The following NCAM2 variants were observed in gnomAD, a reference collection of about 807,000 sequenced individuals.
NCAM2 encodes neural cell adhesion molecule 2, also known as N-CAM-2.
In NCAM2, 30 loss-of-function variants were observed where a neutral mutation model predicts 98.1. The ratio of observed to expected loss-of-function variants is 0.31; its 90% confidence interval spans 0.23 to 0.41. The LOEUF (loss-of-function observed/expected upper bound fraction) is 0.41, where lower values mean the gene tolerates loss of function less well. Ranked by LOEUF, NCAM2 falls within the 10% of genes least tolerant of loss-of-function variation. The pLI, the probability that NCAM2 is intolerant of heterozygous loss-of-function variation, is 1.00. For synonymous variants in NCAM2, 368 were observed against 342.4 expected (o/e 1.07, Z -0.83); for missense variants, 867 against 1,005.8 (o/e 0.86, Z 1.87).
chr21:21,117,616 A>G (rs1176276509), intron 1 of NCAM2, among the ~76,000 whole-genome samples: 1 of 152,204 alleles, frequency 6.6e-6, no homozygotes, highest in African/African-American at 2.4e-5. Flanking sequence ...CCTGGAGAAA[A>G]TCATGCTAAG....
In NCAM2 at chr21:21,538,639, A is replaced by C. The variant is rs1376164334; in HGVS notation, c.*682A>C. On this transcript the variant is annotated 3_prime_UTR_variant, in exon 18 of 18. Transcript: ENST00000400546. ...TTGTATATAAAATTAGATTAGAAAG[A>C]CTTTCTAAATCTCTATCTCTTTATA... 6.6e-6 allele frequency: 1 copy of C among 152,146 alleles called. No individual in the cohort carries two copies. The highest frequency in any genetic ancestry group is 1.5e-5 in the Non-Finnish European group (1 of 67,986). 9.4% of individuals were successfully genotyped at this position (152,146 alleles called of 1,614,324 possible).
chr21:21,310,759 C>G (rs967223211), intron 5 of NCAM2, among the ~76,000 whole-genome samples: 3 of 152,116 alleles, frequency 2.0e-5, no homozygotes, highest in African/African-American at 7.2e-5. Flanking sequence ...TTCATCTTGG[C>G]TCTACTACAG....
intron 1 of NCAM2, among the ~76,000 whole-genome samples, chr21:21,134,062 C>T (rs1388179222): frequency 1.2e-5 from 1 of 84,962 alleles, no homozygotes; most frequent in Non-Finnish European, 2.3e-5. Context: ...GGCACTTCCT[C>T]TCTTTTTTTT....
chr21:21,380,442 C>T (rs1403607575), intron 9 of NCAM2, among the ~76,000 whole-genome samples: 1 of 152,096 alleles, frequency 6.6e-6, no homozygotes, highest in East Asian at 1.9e-4. Context: ...TATAATAAAA[C>T]AAATTTATTG....
intron 8 of NCAM2, among the ~76,000 whole-genome samples, chr21:21,368,929 C>G (rs2075849233): frequency 6.6e-6 from 1 of 151,860 alleles, no homozygotes. Context: ...TCGTAAAACA[C>G]CCAATAACCT....
At chr21:21,154,359 G>A (rs1402862481) in intron 1 of NCAM2, among the ~76,000 whole-genome samples, 2 of 151,852 alleles carry the variant, frequency 1.3e-5, no homozygotes, top group African/African-American at 2.4e-5. Flanking sequence ...TGTTTTGGAA[G>A]CATTTAGGGA....
intron 1 of NCAM2, among the ~76,000 whole-genome samples, chr21:21,221,082 A>G (rs1395443612): frequency 6.6e-6 from 1 of 152,170 alleles, no homozygotes; most frequent in Non-Finnish European, 1.5e-5. Flanking sequence ...ATCTGTGATC[A>G]GTGATCTTTG....
chr21:21,062,262 G>GATTTAC (rs922620311), intron 1 of NCAM2, among the ~76,000 whole-genome samples: 2 of 152,116 alleles, frequency 1.3e-5, no homozygotes, highest in African/African-American at 4.8e-5. Flanking sequence ...GCAAAATGCT[G>GATTTAC]ATTTACAGAA....
chr21:21,193,842 C>A (rs1380518967), intron 1 of NCAM2, among the ~76,000 whole-genome samples: 1 of 151,936 alleles, frequency 6.6e-6, no homozygotes, highest in Non-Finnish European at 1.5e-5. Context: ...GAGAAATTCC[C>A]AACATATTGT....
intron 9 of NCAM2, among the ~76,000 whole-genome samples, chr21:21,382,949 A>G (rs2076191173): frequency 6.6e-6 from 1 of 152,024 alleles, no homozygotes; most frequent in African/African-American, 2.4e-5. Context: ...TTTAGAATAT[A>G]TACATTTTCT....
intron 1 of NCAM2, among the ~76,000 whole-genome samples, chr21:21,239,653 T>C (rs1474114921): frequency 1.3e-5 from 2 of 152,154 alleles, no homozygotes; most frequent in East Asian, 3.8e-4. Flanking sequence ...ATGTAGACAC[T>C]GATTCCTAAA....
At chr21:21,109,573 C>T (rs1358094109) in intron 1 of NCAM2, among the ~76,000 whole-genome samples, 1 of 151,900 alleles carries the variant, frequency 6.6e-6, no homozygotes, top group East Asian at 1.9e-4. Context: ...TTTAAATGTT[C>T]ATTAAAGTTC....
intron 3 of NCAM2, among the ~76,000 whole-genome samples, chr21:21,284,609 A>C (rs1295321138): frequency 6.6e-6 from 1 of 151,834 alleles, no homozygotes; most frequent in East Asian, 1.9e-4. Context: ...CAATTATATT[A>C]AATAATATTA....
At chr21:21,433,615 C>T (rs2077391628) in intron 12 of NCAM2, among the ~76,000 whole-genome samples, 1 of 151,226 alleles carries the variant, frequency 6.6e-6, no homozygotes, top group Non-Finnish European at 1.5e-5. Flanking sequence ...TGGTGGCAGG[C>T]ACCTGTAGAC....
chr21:21,507,185 T>A (rs148171899), intron 15 of NCAM2, among the ~76,000 whole-genome samples: 1 of 152,294 alleles, frequency 6.6e-6, no homozygotes, highest in African/African-American at 2.4e-5. Flanking sequence ...TCTGACATAC[T>A]CAAAGTCGAC....
At chr21:21,065,388 A>G (rs1364423763) in intron 1 of NCAM2, among the ~76,000 whole-genome samples, 3 of 151,968 alleles carry the variant, frequency 2.0e-5, no homozygotes, top group Non-Finnish European at 4.4e-5. Context: ...GCTTGTACTT[A>G]TATCTGATCT....
At chr21:21,336,015 A>G (rs936987308) in intron 7 of NCAM2, among the ~76,000 whole-genome samples, 3 of 152,176 alleles carry the variant, frequency 2.0e-5, no homozygotes, top group African/African-American at 7.2e-5. Context: ...AAAAGGGCAC[A>G]TTTTTAAGGC....
intron 1 of NCAM2, among the ~76,000 whole-genome samples, chr21:21,214,570 G>A (rs1431433815): frequency 1.3e-5 from 2 of 151,780 alleles, no homozygotes; most frequent in African/African-American, 2.4e-5. Flanking sequence ...TCAGCACAAG[G>A]CATTATAAGG....
chr21:21,486,276 C>G (rs983784952), intron 15 of NCAM2, among the ~76,000 whole-genome samples: 1 of 125,538 alleles, frequency 8.0e-6, no homozygotes, highest in East Asian at 2.1e-4. Flanking sequence ...TGCACTCCAG[C>G]CTGGGCAACA....
Sources: allele counts gnomAD v4.1 joint callset (sites outside exome capture counted in the v4.1 genomes callset), GRCh38; gene constraint gnomAD v4.1.1; transcripts MANE v1.5; gene names NCBI Gene and HGNC (gene_info 2026-07-23, HGNC 2026-07-21).